CAPZA1: variants seen among roughly 807,000 people sequenced by gnomAD.
CAPZA1 encodes F-actin-capping protein subunit alpha-1.
Under a neutral mutation model 40.8 loss-of-function variants are expected in CAPZA1, and 10 were observed. The ratio of observed to expected loss-of-function variants is 0.25; its 90% CI spans 0.15 to 0.42. The LOEUF (loss-of-function observed/expected upper bound fraction) is 0.42. CAPZA1 is among the 10% of genes least tolerant of loss of function. The pLI is 1.00. For missense variants in CAPZA1, 277 were observed against 353.8 expected, an observed-to-expected ratio of 0.78 and a Z score of 1.74; for synonymous variants, 98 against 115.0, an observed-to-expected ratio of 0.85 and a Z score of 0.95.
chr1:112,655,857 C>T (rs1671490437), intron 5 of CAPZA1, among the ~76,000 whole-genome samples: 1 of 152,120 alleles, frequency 6.6e-6, no homozygotes. Flanking sequence ...GCTGCTGCAC[C>T]TGGCCTAATT....
intron 9 of CAPZA1, 33 bp from the exon 10 acceptor site, chr1:112,669,959 T>C: frequency 1.2e-6 from 2 of 1,613,018 alleles, no homozygotes; most frequent in South Asian, 2.2e-5. Flanking sequence ...CCCATTTCTG[T>C]TCAAGCAACT....
chr1:112,642,656 G>A (rs913056597), intron 1 of CAPZA1, among the ~76,000 whole-genome samples: 1 of 152,064 alleles, frequency 6.6e-6, no homozygotes, highest in Non-Finnish European at 1.5e-5. Flanking sequence ...CCAGTCTTCG[G>A]TCTTTATTTA....
chr1:112,652,242 G>A (rs1367644155), intron 3 of CAPZA1, among the ~76,000 whole-genome samples: 1 of 152,082 alleles, frequency 6.6e-6, no homozygotes. Context: ...AGCACTTTGG[G>A]AGGCTGAGGT....
chr1:112,638,116 T>C lies in CAPZA1; in HGVS notation c.40-9094T>C, dbSNP rs192180930. On this transcript the variant is annotated intron_variant, in intron 1 of 9. Coordinates refer to ENST00000263168, the MANE Select transcript of CAPZA1 (RefSeq NM_006135.3). ...AAGGGTACAACAGCTAATTTATATA[T>C]GGGAGTTAGGGAAGGGTAGTTTATT... Among the ~76,000 whole-genome samples the C allele has an allele frequency of 5.3e-5, 8 of 152,226 alleles. No homozygotes were observed. In the East Asian group the frequency reaches 7.7e-4, roughly 15 times the overall value.
chr1:112,640,200 C>T (rs1570709207), intron 1 of CAPZA1, among the ~76,000 whole-genome samples: 1 of 124,808 alleles, frequency 8.0e-6, no homozygotes, highest in African/African-American at 3.1e-5. Flanking sequence ...GGGGGTCAGC[C>T]CCCCGCCCGG....
chr1:112,623,794 C>T (rs1412414865), intron 1 of CAPZA1, among the ~76,000 whole-genome samples: 1 of 151,208 alleles, frequency 6.6e-6, no homozygotes, highest in Non-Finnish European at 1.5e-5. Context: ...GAGACCTGAC[C>T]TCAGGAGATC....
At chr1:112,667,219 T>A in intron 8 of CAPZA1, 74 bp downstream of exon 8, 2 of 1,037,824 alleles carry the variant, frequency 1.9e-6, no homozygotes, top group Non-Finnish European at 2.9e-6. Flanking sequence ...TGATCCTGAG[T>A]GCTGATTCTG....
At chr1:112,655,132 A>G (rs949781410) in intron 5 of CAPZA1, among the ~76,000 whole-genome samples, 2 of 152,162 alleles carry the variant, frequency 1.3e-5, no homozygotes, top group African/African-American at 4.8e-5. Context: ...GCATTTTTAC[A>G]CAAACTACTT....
chr1:112,644,045 A>T (rs2101158743), intron 1 of CAPZA1, among the ~76,000 whole-genome samples: 1 of 151,760 alleles, frequency 6.6e-6, no homozygotes, highest in South Asian at 2.1e-4. Context: ...GGGTTTCACC[A>T]TGTTGGCCAG....
chr1:112,653,557 C>CTT lies in CAPZA1; in HGVS notation c.156-25_156-24dup, dbSNP rs372032414. ...ACACATAATTCTTTTCTCTCTCCCTCTTTTTTTTTTTTTTTTTAAAAAACT... is the reference window on the plus strand; with the variant it reads ...ACACATAATTCTTTTCTCTCTCCCTCTTTTTTTTTTTTTTTTTTTAAAAAACT... On this transcript the variant is annotated intron_variant, in intron 3 of 9. Coordinates refer to ENST00000263168, the MANE Select transcript of CAPZA1 (RefSeq NM_006135.3). 5,585 of 803,596 alleles carry CTT rather than the reference C, an allele frequency of 7.0e-3. 1 individual carries two copies. The highest frequency in any genetic ancestry group is 9.4e-3 in the East Asian group (280 of 29,826). 49.8% of individuals were successfully genotyped at this position (803,596 alleles called of 1,614,324 possible). A position where few individuals can be genotyped will look rare whatever the true frequency, so the allele number is the denominator to read the frequency against.
At chr1:112,621,919 G>A (rs1670683322) in intron 1 of CAPZA1, among the ~76,000 whole-genome samples, 1 of 151,838 alleles carries the variant, frequency 6.6e-6, no homozygotes, top group African/African-American at 2.4e-5. Flanking sequence ...CCGCCACCAA[G>A]CCTGGCTAAT....
chr1:112,653,189 G>A (rs909707559), intron 3 of CAPZA1, among the ~76,000 whole-genome samples: 1 of 152,208 alleles, frequency 6.6e-6, no homozygotes, highest in Non-Finnish European at 1.5e-5. Context: ...GGAATTAGCC[G>A]AGTGTGGTGG....
intron 1 of CAPZA1, among the ~76,000 whole-genome samples, chr1:112,621,691 A>T (rs1670670056): frequency 6.6e-6 from 1 of 152,124 alleles, no homozygotes; most frequent in African/African-American, 2.4e-5. Context: ...TATATATTTT[A>T]AAATGCCAAT....
intron 7 of CAPZA1, among the ~76,000 whole-genome samples, chr1:112,665,955 T>C (rs767728129): frequency 2.6e-5 from 4 of 152,222 alleles, no homozygotes; most frequent in Non-Finnish European, 4.4e-5. Context: ...GTATAATCTT[T>C]CTAAAACATT....
chr1:112,645,473 A>AT (rs1186285361), intron 1 of CAPZA1, among the ~76,000 whole-genome samples: 1 of 152,030 alleles, frequency 6.6e-6, no homozygotes, highest in Non-Finnish European at 1.5e-5. Context: ...GAAAATTAAA[A>AT]TTTTTTAAAA....
intron 1 of CAPZA1, among the ~76,000 whole-genome samples, chr1:112,627,752 G>A (rs1018835739): frequency 2.6e-5 from 4 of 151,726 alleles, no homozygotes; most frequent in African/African-American, 9.7e-5. Context: ...CCTGAGGCTA[G>A]GAGTTTGAGA....
intron 1 of CAPZA1, among the ~76,000 whole-genome samples, chr1:112,632,410 A>C (rs1557727743): frequency 6.6e-6 from 1 of 152,152 alleles, no homozygotes; most frequent in Admixed American, 6.5e-5. Context: ...TGGGGAGAAA[A>C]TTATTAAGAG....
At chr1:112,638,033 G>T (rs997759737) in intron 1 of CAPZA1, among the ~76,000 whole-genome samples, 1 of 152,156 alleles carries the variant, frequency 6.6e-6, no homozygotes, top group African/African-American at 2.4e-5. Context: ...ATGTTAAGTG[G>T]TGGCAAATTC....
At position 112,640,190 on chromosome 1, in the gene CAPZA1, G is replaced by T. The variant is rs1570709188; in HGVS notation, c.40-7020G>T. On this transcript the variant is annotated intron_variant, in intron 1 of 9. Coordinates refer to ENST00000263168, the MANE Select transcript of CAPZA1 (RefSeq NM_006135.3). ...GCCGCCCAGTCCGGGAGGGAGGTGG[G>T]GGGGTCAGCCCCCCGCCCGGCCAGC... Among the ~76,000 whole-genome samples, 3 of 123,518 alleles carry T rather than the reference G, an allele frequency of 2.4e-5. No individual in the cohort carries two copies. The East Asian group carries it at 7.8e-4, about 32-fold the overall frequency. 81.0% of individuals were successfully genotyped at this position (123,518 alleles called of 152,430 possible).
Sources: allele counts gnomAD v4.1 joint callset (sites outside exome capture counted in the v4.1 genomes callset), GRCh38; gene constraint gnomAD v4.1.1; transcripts MANE v1.5; gene names NCBI Gene and HGNC (gene_info 2026-07-23, HGNC 2026-07-21).